VSTM1: variants seen among roughly 807,000 people sequenced by gnomAD.
VSTM1 encodes V-set and transmembrane domain containing 1.
In VSTM1, 27 loss-of-function variants were observed where a neutral mutation model predicts 33.1. That is an observed-to-expected ratio of 0.82 (90% CI 0.60 to 1.12). The LOEUF (loss-of-function observed/expected upper bound fraction) is 1.12, where lower values mean the gene tolerates loss of function less well. Ranked by LOEUF, VSTM1 falls within the 50% of genes most tolerant of loss-of-function variation. The probability of loss-of-function intolerance (pLI) is 0.00; values close to 1 mark genes in which losing one functional copy is unlikely to be tolerated. For synonymous variants in VSTM1, 115 were observed against 110.3 expected, an observed-to-expected ratio of 1.04 and a Z score of -0.27; for missense variants, 304 against 288.9, an observed-to-expected ratio of 1.05 and a Z score of -0.38.
chr19:54,056,209 CTTTTCTTTTTTT>C (rs1386601011), intron 3 of VSTM1, among the ~76,000 whole-genome samples: 14 of 46,522 alleles, frequency 3.0e-4, no homozygotes, highest in African/African-American at 9.9e-4. Flanking sequence ...CTTTTCTTTT[CTTTTCTTTTTTT>C]TTTTTTTTTT....
intron 4 of VSTM1, among the ~76,000 whole-genome samples, chr19:54,042,837 T>TATATATATATATATAC (rs1320221580): frequency 1.5e-5 from 1 of 66,424 alleles, no homozygotes; most frequent in Non-Finnish European, 3.1e-5. Context: ...TATATATATA[T>TATATATATATATATAC]ACATATATAT....
At chr19:54,042,423 T>A (rs1443496344) in intron 4 of VSTM1, 54 bp from the exon 5 acceptor site, 1 of 1,575,578 alleles carries the variant, frequency 6.3e-7, no homozygotes, top group Non-Finnish European at 8.6e-7. Context: ...AATCCACTGA[T>A]AGGGGCGAGC....
intron 4 of VSTM1, among the ~76,000 whole-genome samples, chr19:54,048,927 T>C (rs921872389): frequency 1.3e-5 from 2 of 151,950 alleles, no homozygotes; most frequent in Admixed American, 1.3e-4. Context: ...CTACTAAAAA[T>C]ACACAAATTA....
At chr19:54,046,125 T>C (rs1383501621) in intron 4 of VSTM1, among the ~76,000 whole-genome samples, 1 of 152,208 alleles carries the variant, frequency 6.6e-6, no homozygotes, top group East Asian at 1.9e-4. Context: ...TAGCTACTTA[T>C]CTACCTATCA....
chr19:54,056,353 C>A (rs1475607421), intron 3 of VSTM1, among the ~76,000 whole-genome samples: 1 of 136,016 alleles, frequency 7.4e-6, no homozygotes, highest in African/African-American at 2.8e-5. Flanking sequence ...TCCCGAGTAG[C>A]TGAAAGCACA....
At chr19:54,058,277 G>A in intron 3 of VSTM1, 29 bp downstream of exon 3, 1 of 1,564,512 alleles carries the variant, frequency 6.4e-7, no homozygotes, top group Non-Finnish European at 8.8e-7. Flanking sequence ...AGAAATGTGT[G>A]CATCAAAGAG....
At chr19:54,042,837 T>TATATATATATATATATATATATATATAC (rs1320221580) in intron 4 of VSTM1, among the ~76,000 whole-genome samples, 2 of 66,424 alleles carry the variant, frequency 3.0e-5, no homozygotes, top group Non-Finnish European at 3.1e-5. Context: ...TATATATATA[T>TATATATATATATATATATATATATATAC]ACATATATAT....
In VSTM1 at chr19:54,041,780, G is replaced by C; in HGVS notation, c.590C>G (p.Ser197Trp). Residue 197 changes from serine (S) to tryptophan (W), a missense_variant and splice_region_variant, in exon 8 of 9, where the codon TCG (serine) becomes TGG (tryptophan). By Grantham distance (177) the Ser-to-Trp change is radical. Transcript: ENST00000338372. ...GGACTCCTAAGCGGGAGGACTCACC[G>C]AGAGAGATACCCTTTCCATATTGGA... ...DLSNMERVSL[S>W]TADPQGVTYA... The C allele has an allele frequency of 6.2e-7, 1 of 1,613,392 alleles. No homozygotes were observed. The highest frequency in any genetic ancestry group is 8.5e-7 in the Non-Finnish European group (1 of 1,179,852).
intron 3 of VSTM1, 90 bp from the exon 4 acceptor site, chr19:54,051,538 G>T (rs2070842634): frequency 9.8e-7 from 1 of 1,018,938 alleles, no homozygotes; most frequent in Non-Finnish European, 1.4e-6. Context: ...TAGACATCCT[G>T]TTCTTCTTTG....
chr19:54,042,313 G>C lies in VSTM1; in HGVS notation c.451C>G (p.Leu151Val). The C allele has an allele frequency of 6.2e-7, 1 of 1,613,988 alleles. No individual in the cohort carries two copies. The highest frequency in any genetic ancestry group is 8.5e-7 in the Non-Finnish European group (1 of 1,180,000). ...FSCISILLLF[L>V]SVFIIYRCSQ... The stretch of plus-strand genomic sequence containing the variant: ...CATCTGTAGATGATGAAGACTGAGA[G>C]GAAGAGGAGAAGGATGGAGATGCAG... The change falls in exon 5 of 9, where the codon CTC (leucine) becomes GTC (valine). Residue 151 changes from leucine (L) to valine (V), a missense_variant. Physicochemically the swap from Leu to Val is conservative, Grantham distance 32. Transcript: ENST00000338372.
At chr19:54,053,061 C>G (rs924949058) in intron 3 of VSTM1, 3 of 146,392 alleles carry the variant, frequency 2.0e-5, no homozygotes, top group Admixed American at 7.4e-5. Flanking sequence ...AGCTCAACTT[C>G]ATCAGTGGGT....
chr19:54,045,793 A>T (rs1316733629), intron 4 of VSTM1, among the ~76,000 whole-genome samples: 1 of 152,042 alleles, frequency 6.6e-6, no homozygotes, highest in Non-Finnish European at 1.5e-5. Context: ...ATATCTATCT[A>T]TCTATCTAGC....
At chr19:54,041,198 C>A in intron 8 of VSTM1, 118 bp from the exon 9 acceptor site, 1 of 1,079,406 alleles carries the variant, frequency 9.3e-7, no homozygotes, top group Non-Finnish European at 1.3e-6. Flanking sequence ...CCCAGGTCCT[C>A]GGTCACACCA....
intron 8 of VSTM1, 34 bp from the exon 9 acceptor site, chr19:54,041,114 T>G: frequency 6.6e-7 from 1 of 1,510,108 alleles, no homozygotes; most frequent in Non-Finnish European, 8.8e-7. Flanking sequence ...TAGAACTGAG[T>G]GTTCAATATG....
rs758485739 is a variant in VSTM1 at position 54,041,928 on chromosome 19, G to A, written c.541C>T (p.Gln181Ter). The change falls in exon 7 of 9, where the codon CAG (glutamine) becomes TAG (stop). Residue 181 changes from glutamine to a stop codon, truncating the protein, a stop_gained. Transcript: ENST00000338372. LOFTEE classifies it high-confidence loss of function. ...CCCTGTCCCTTACCGGCAGCCTCCT[G>A]CTCCGGAAGTTTGGAATGGCTGGTT... The part of the protein sequence containing the change: ...KRTSHSKLPE[Q>*]EAAEADLSNM... The A allele has an allele frequency of 6.2e-7, 1 of 1,614,132 alleles. No individual in the cohort carries two copies. Among genetic ancestry groups the A allele is most frequent in the Non-Finnish European group, 8.5e-7 (1 of 1,180,026 alleles).
intron 3 of VSTM1, among the ~76,000 whole-genome samples, chr19:54,056,891 CAT>C (rs2071125752): frequency 7.2e-6 from 1 of 139,142 alleles, no homozygotes; most frequent in African/African-American, 2.7e-5. Context: ...CTTGCTCTTT[CAT>C]CCAGGCTGCA....
In VSTM1 at chr19:54,058,667, G is replaced by C. The variant is rs746241828; in HGVS notation, c.70+30C>G. On this transcript the variant is annotated intron_variant, in intron 2 of 8. Coordinates refer to ENST00000338372, the MANE Select transcript of VSTM1 (RefSeq NM_198481.4). ...AAAGGTCATGAAGCGTGGGATGCAGGAATAAAAGTTTAAGTAGGAGAAAAC... is the reference window on the plus strand; with the variant it reads ...AAAGGTCATGAAGCGTGGGATGCAGCAATAAAAGTTTAAGTAGGAGAAAAC... 1.7e-5 allele frequency: 28 copies of C among 1,613,626 alleles called. No individual in the cohort carries two copies. In the East Asian group the frequency reaches 5.8e-4, roughly 33 times the overall value.
chr19:54,061,142 C>T (rs930455796), intron 1 of VSTM1, among the ~76,000 whole-genome samples: 7 of 151,616 alleles, frequency 4.6e-5, no homozygotes, highest in African/African-American at 7.3e-5. Context: ...CTCAGCCTCC[C>T]GAGTAGCTGG....
chr19:54,043,990 A>T (rs1409903755), intron 4 of VSTM1, among the ~76,000 whole-genome samples: 1 of 151,996 alleles, frequency 6.6e-6, no homozygotes. Flanking sequence ...TGGTGTGATC[A>T]TACTCGAATT....
Sources: allele counts gnomAD v4.1 joint callset (sites outside exome capture counted in the v4.1 genomes callset), GRCh38; gene constraint gnomAD v4.1.1; transcripts MANE v1.5; gene names NCBI Gene and HGNC (gene_info 2026-07-23, HGNC 2026-07-21).